COG5: variants seen among roughly 807,000 people sequenced by gnomAD.
The protein encoded by COG5 is conserved oligomeric Golgi complex subunit 5.
COG5 carries 86 observed loss-of-function variants against 110.4 expected under a neutral mutation model. That is an observed-to-expected ratio of 0.78 (90% confidence interval 0.65 to 0.93). The LOEUF (loss-of-function observed/expected upper bound fraction) is 0.93, where lower values mean the gene tolerates loss of function less well. Ranked by LOEUF, COG5 falls within the 40% of genes least tolerant of loss-of-function variation. The pLI is 0.00. For synonymous variants in COG5, 360 were observed against 334.6 expected, an observed-to-expected ratio of 1.08 and a Z score of -0.83; for missense variants, 1,077 against 987.0, an observed-to-expected ratio of 1.09 and a Z score of -1.22.
Position 107,362,101 on chromosome 7 carries a change from G to A in COG5, c.958C>T (p.Leu320=). ...IYAVCGQVQH[L]QKVLAKKRDP... ...CTCTTCTTGGCCAATACTTTTTGTAGATGTTGTACCTTAAATGAAACAAAT... is the reference window on the plus strand; with the variant it reads ...CTCTTCTTGGCCAATACTTTTTGTAAATGTTGTACCTTAAATGAAACAAAT... Residue 320 remains leucine, a synonymous_variant, in exon 10 of 22, where the codon CTA becomes TTA. Transcript: ENST00000297135. The A allele has an allele frequency of 6.2e-7, 1 of 1,606,210 alleles. No homozygotes were observed. Among genetic ancestry groups the A allele is most frequent in the Non-Finnish European group, 8.5e-7 (1 of 1,174,044 alleles).
intron 14 of COG5, among the ~76,000 whole-genome samples, chr7:107,267,015 T>C (rs1803856403): frequency 1.3e-5 from 2 of 152,314 alleles, no homozygotes; most frequent in South Asian, 2.1e-4. Flanking sequence ...AAATCTGTTA[T>C]TAAAGAGATG....
At chr7:107,245,755 G>A (rs1013788058) in intron 17 of COG5, among the ~76,000 whole-genome samples, 1 of 152,164 alleles carries the variant, frequency 6.6e-6, no homozygotes, top group Non-Finnish European at 1.5e-5. Flanking sequence ...TCATGGATAG[G>A]AAGAATCAGT....
intron 5 of COG5, among the ~76,000 whole-genome samples, chr7:107,538,512 C>T (rs545066682): frequency 6.6e-6 from 1 of 152,208 alleles, no homozygotes; most frequent in South Asian, 2.1e-4. Flanking sequence ...TGTGTGTCTG[C>T]GTCCTAGTTT....
intron 6 of COG5, among the ~76,000 whole-genome samples, chr7:107,492,992 T>A (rs2129129778): frequency 6.6e-6 from 1 of 152,270 alleles, no homozygotes; most frequent in Non-Finnish European, 1.5e-5. Context: ...GCTGGAAGTT[T>A]AATCCCCAAT....
chr7:107,443,660 C>A (rs189268990), intron 6 of COG5, among the ~76,000 whole-genome samples: 24 of 152,120 alleles, frequency 1.6e-4, no homozygotes, highest in Admixed American at 1.2e-3. Context: ...GCTGACAGCC[C>A]AGAAATATTT....
intron 7 of COG5, among the ~76,000 whole-genome samples, chr7:107,394,778 C>T (rs1157300274): frequency 2.6e-5 from 4 of 152,074 alleles, no homozygotes; most frequent in Admixed American, 2.6e-4. Flanking sequence ...CATAAATATG[C>T]AAGTCCAGGG....
intron 5 of COG5, among the ~76,000 whole-genome samples, chr7:107,544,681 T>C (rs979706116): frequency 6.6e-6 from 1 of 152,170 alleles, no homozygotes; most frequent in East Asian, 1.9e-4. Context: ...AAAGCCAGTC[T>C]GCAAAGAGTG....
chr7:107,298,403 C>A, intron 11 of COG5, 57 bp from the exon 12 acceptor site: 1 of 1,405,022 alleles, frequency 7.1e-7, no homozygotes, highest in Non-Finnish European at 9.9e-7. Context: ...GTAAATGTTT[C>A]TTTTGCATAT....
At chr7:107,294,409 T>A (rs1198516072) in intron 12 of COG5, among the ~76,000 whole-genome samples, 3 of 152,178 alleles carry the variant, frequency 2.0e-5, no homozygotes, top group Non-Finnish European at 4.4e-5. Context: ...CTTATCTGGA[T>A]AAACAAAATA....
chr7:107,517,717 T>A (rs60490203), intron 6 of COG5, among the ~76,000 whole-genome samples: 63,179 of 149,920 alleles, frequency 0.42, 13,663 homozygotes, highest in Non-Finnish European at 0.47. Flanking sequence ...TTTTTTTTTG[T>A]GATGGAGTCT....
At chr7:107,316,748 C>T (rs950061455) in intron 11 of COG5, among the ~76,000 whole-genome samples, 3 of 146,032 alleles carry the variant, frequency 2.1e-5, no homozygotes, top group Admixed American at 1.4e-4. Context: ...AGGAGAATGG[C>T]GTGAACCCAG....
intron 18 of COG5, among the ~76,000 whole-genome samples, chr7:107,231,884 C>A (rs1373269210): frequency 2.6e-5 from 4 of 152,110 alleles, no homozygotes; most frequent in African/African-American, 7.2e-5. Context: ...TCAACAAAAT[C>A]AAAAGTATTT....
chr7:107,290,533 T>C (rs1165147677), intron 12 of COG5, among the ~76,000 whole-genome samples: 1 of 152,218 alleles, frequency 6.6e-6, no homozygotes, highest in African/African-American at 2.4e-5. Flanking sequence ...CTTTACTTTG[T>C]GGGGATTCGA....
chr7:107,314,773 CT>C (rs1584665389), intron 11 of COG5, among the ~76,000 whole-genome samples: 1 of 152,014 alleles, frequency 6.6e-6, no homozygotes, highest in East Asian at 1.9e-4. Flanking sequence ...AAAACAAAGA[CT>C]ATTGGAAGTC....
intron 21 of COG5, chr7:107,208,109 C>G (rs1436071384): frequency 1.0e-6 from 1 of 985,304 alleles, no homozygotes; most frequent in Non-Finnish European, 1.2e-6. Flanking sequence ...AAAGAACATT[C>G]TCTAGGACAA....
chr7:107,324,030 C>A, intron 11 of COG5, among the ~76,000 whole-genome samples: 1 of 152,206 alleles, frequency 6.6e-6, no homozygotes, highest in South Asian at 2.1e-4. Flanking sequence ...TTCATTAAAT[C>A]TTCATTTTTA....
chr7:107,433,524 G>A (rs960647992), intron 6 of COG5, among the ~76,000 whole-genome samples: 8 of 152,126 alleles, frequency 5.3e-5, no homozygotes, highest in African/African-American at 1.2e-4. Context: ...AAACCTTTAC[G>A]TGTAAGGTCA....
At chr7:107,205,358 C>T (rs1798688146) in intron 21 of COG5, among the ~76,000 whole-genome samples, 2 of 152,310 alleles carry the variant, frequency 1.3e-5, no homozygotes, top group South Asian at 4.1e-4. Flanking sequence ...CCAGCCCTTT[C>T]TGTGCTACTG....
chr7:107,547,845 T>C (rs560291230), intron 5 of COG5, among the ~76,000 whole-genome samples: 4 of 152,170 alleles, frequency 2.6e-5, no homozygotes, highest in East Asian at 1.9e-4. Flanking sequence ...CATCTATACA[T>C]TGAAAGCTAT....
Sources: allele counts gnomAD v4.1 joint callset (sites outside exome capture counted in the v4.1 genomes callset), GRCh38; gene constraint gnomAD v4.1.1; transcripts MANE v1.5; gene names NCBI Gene and HGNC (gene_info 2026-07-23, HGNC 2026-07-21).